Variants in SCUBE1 observed in about 807,000 individuals in gnomAD.
SCUBE1 encodes the protein signal peptide, CUB domain and EGF like domain containing 1.
In SCUBE1, 59 loss-of-function variants were observed where a neutral mutation model predicts 124.4. The observed-to-expected ratio is 0.47, with a 90% CI of 0.38 to 0.59. The LOEUF (loss-of-function observed/expected upper bound fraction) is 0.59, where lower values mean the gene tolerates loss of function less well. Among genes scored for constraint, SCUBE1 ranks in the 20% least tolerant of loss-of-function variants. SCUBE1 has a pLI of 0.00. For missense variants in SCUBE1, 1,150 were observed against 1,371.2 expected, an observed-to-expected ratio of 0.84 and a Z score of 2.55; for synonymous variants, 545 against 550.9, an observed-to-expected ratio of 0.99 and a Z score of 0.15.
At chr22:43,320,192 C>T (rs902328406) in intron 2 of SCUBE1, 127 bp from the exon 3 acceptor site, 14 of 1,181,884 alleles carry the variant, frequency 1.2e-5, no homozygotes, top group Non-Finnish European at 1.7e-5. Flanking sequence ...TCAGTCCTCC[C>T]TGGGAGCTGA....
chr22:43,216,712 T>TC (rs1339330462), intron 15 of SCUBE1, among the ~76,000 whole-genome samples: 5 of 151,666 alleles, frequency 3.3e-5, no homozygotes, highest in Non-Finnish European at 7.4e-5. Context: ...GCTCCCTTTG[T>TC]CCCCCCTTGT....
intron 6 of SCUBE1, among the ~76,000 whole-genome samples, chr22:43,257,050 G>A (rs772177977): frequency 6.6e-6 from 1 of 152,248 alleles, no homozygotes. Flanking sequence ...AATAAAAAAT[G>A]GTTGTCTGAA....
Position 43,239,320 on chromosome 22 carries a change from G to A in SCUBE1, c.728-366C>T, listed in dbSNP as rs148528533. Among the ~76,000 whole-genome samples, 1,140 of 152,360 alleles carry A rather than the reference G, an allele frequency of 7.5e-3. 13 individuals are homozygous for A. The highest frequency in any genetic ancestry group is 0.025 in the African/African-American group (1,048 of 41,584). On this transcript the variant is annotated intron_variant, in intron 6 of 21. Coordinates refer to ENST00000360835, the MANE Select transcript of SCUBE1 (RefSeq NM_173050.5). ...CCCGAGGCTGGATTCCTAAAACTTT[G>A]ACCTGCCTGGACTCAGACTCCAAGT...
At chr22:43,331,636 C>G (rs965899274) in intron 2 of SCUBE1, among the ~76,000 whole-genome samples, 5 of 152,142 alleles carry the variant, frequency 3.3e-5, no homozygotes, top group Admixed American at 6.5e-5. Flanking sequence ...TTAGTAGGAC[C>G]CAATTCAAGC....
chr22:43,335,668 A>G (rs6003160), intron 2 of SCUBE1, among the ~76,000 whole-genome samples: 63,457 of 151,960 alleles, frequency 0.42, 15,544 homozygotes, highest in African/African-American at 0.67. Flanking sequence ...AGAACTGAGC[A>G]ATTTTCAAAG....
At chr22:43,218,186 C>T in intron 15 of SCUBE1, 69 bp downstream of exon 15, 4 of 1,513,738 alleles carry the variant, frequency 2.6e-6, no homozygotes, top group Non-Finnish European at 3.6e-6. Context: ...GTGCCCACCA[C>T]TGTTTACCCC....
intron 10 of SCUBE1, among the ~76,000 whole-genome samples, chr22:43,225,408 C>G (rs1922262982): frequency 6.6e-6 from 1 of 151,940 alleles, no homozygotes; most frequent in Non-Finnish European, 1.5e-5. Flanking sequence ...ATGATCAGAT[C>G]TGTATCACAA....
intron 10 of SCUBE1, 119 bp from the exon 11 acceptor site, chr22:43,223,335 G>T: frequency 8.1e-7 from 1 of 1,237,566 alleles, no homozygotes; most frequent in Non-Finnish European, 1.1e-6. Flanking sequence ...CCATGGCTGG[G>T]CTGGCTTGGT....
At chr22:43,224,062 G>A (rs890140781) in intron 10 of SCUBE1, among the ~76,000 whole-genome samples, 2 of 152,324 alleles carry the variant, frequency 1.3e-5, no homozygotes, top group South Asian at 2.1e-4. Flanking sequence ...TTACTTAAGC[G>A]ACAGCTCAGC....
intron 1 of SCUBE1, among the ~76,000 whole-genome samples, chr22:43,341,658 T>C (rs2146808585): frequency 6.6e-6 from 1 of 152,170 alleles, no homozygotes; most frequent in Non-Finnish European, 1.5e-5. Flanking sequence ...CATGGGAGTT[T>C]GAGGAGAGAG....
intron 2 of SCUBE1, among the ~76,000 whole-genome samples, chr22:43,334,346 T>C (rs1289231102): frequency 1.2e-4 from 19 of 152,226 alleles, no homozygotes; most frequent in Non-Finnish European, 1.5e-5. Context: ...TTCACCTCTG[T>C]GGGGATATAA....
chr22:43,214,047 G>GGGGGGGGGGGGGGCCCCCCCCCC, intron 16 of SCUBE1, 43 bp downstream of exon 16: 1 of 143,440 alleles, frequency 7.0e-6, no homozygotes, highest in Non-Finnish European at 1.3e-5. Flanking sequence ...AGGAGCCCCC[G>GGGGGGGGGGGGGGCCCCCCCCCC]CCCACCCCCC....
chr22:43,328,446 G>A (rs1926799027), intron 2 of SCUBE1, among the ~76,000 whole-genome samples: 1 of 152,154 alleles, frequency 6.6e-6, no homozygotes, highest in African/African-American at 2.4e-5. Flanking sequence ...TGCAGGCTCT[G>A]TGGGGCTGCT....
chr22:43,222,522 G>C lies in SCUBE1; in HGVS notation c.1432+116C>G, dbSNP rs1922132911. 3.8e-6 allele frequency: 3 copies of C among 792,420 alleles called. No homozygotes were observed. In the East Asian group the frequency reaches 8.1e-5, roughly 22 times the overall value. The allele number at this position is 792,420 out of a possible 1,614,324, so 49.1% of individuals were successfully genotyped here. On this transcript the variant is annotated intron_variant, in intron 12 of 21. Coordinates refer to ENST00000360835, the MANE Select transcript of SCUBE1 (RefSeq NM_173050.5). ...CCAGCACCCCAGGCCACACGGAGCA[G>C]GGCCGAGAGCAGGAAGGTCTTCCCT...
chr22:43,229,037 G>C (rs775271452), intron 9 of SCUBE1, 35 bp downstream of exon 9: 3 of 1,474,064 alleles, frequency 2.0e-6, no homozygotes, highest in South Asian at 2.3e-5. Context: ...CGCGTGCCTC[G>C]GGGGGGAGGT....
chr22:43,290,181 C>T (rs867675819), intron 4 of SCUBE1, among the ~76,000 whole-genome samples: 9 of 152,324 alleles, frequency 5.9e-5, no homozygotes, highest in Middle Eastern at 3.4e-3. Flanking sequence ...GATGTGCCTC[C>T]GCAAAAGCTG....
Position 43,202,348 on chromosome 22 carries a change from C to T in SCUBE1, c.*1649G>A, listed in dbSNP as rs1373955367. On this transcript the variant is annotated 3_prime_UTR_variant, in exon 22 of 22. Coordinates refer to ENST00000360835, the MANE Select transcript of SCUBE1 (RefSeq NM_173050.5). Reference sequence around the variant, plus strand: ...GGCCCGGGGGTGACCAGGAGGAACCCTAGAGGCAACTTCGAGCTGAAGACT... The same window carrying T: ...GGCCCGGGGGTGACCAGGAGGAACCTTAGAGGCAACTTCGAGCTGAAGACT... The T allele has an allele frequency of 6.6e-6, 1 of 152,174 alleles. No homozygotes were observed. The highest frequency in any genetic ancestry group is 1.5e-5 in the Non-Finnish European group (1 of 68,016). The allele number at this position is 152,174 out of a possible 1,614,324, so 9.4% of individuals were successfully genotyped here.
chr22:43,266,806 C>T (rs1006099813), intron 4 of SCUBE1, among the ~76,000 whole-genome samples: 3 of 152,252 alleles, frequency 2.0e-5, no homozygotes, highest in South Asian at 2.1e-4. Flanking sequence ...AAGAGCCCAG[C>T]GAAATCCAAG....
At chr22:43,221,530 C>G (rs570063445) in intron 12 of SCUBE1, among the ~76,000 whole-genome samples, 1 of 152,190 alleles carries the variant, frequency 6.6e-6, no homozygotes, top group East Asian at 1.9e-4. Flanking sequence ...AGGGGCCACC[C>G]GCCAGAGGTC....
Sources: allele counts gnomAD v4.1 joint callset (sites outside exome capture counted in the v4.1 genomes callset), GRCh38; gene constraint gnomAD v4.1.1; transcripts MANE v1.5; gene names NCBI Gene and HGNC (gene_info 2026-07-23, HGNC 2026-07-21).